FILIP1L: variants seen among roughly 807,000 people sequenced by gnomAD.
FILIP1L encodes filamin A-interacting protein 1-like.
Under a neutral mutation model 96.6 loss-of-function variants are expected in FILIP1L, and 55 were observed. The observed-to-expected ratio is 0.57, with a 90% confidence interval of 0.46 to 0.71. The LOEUF (loss-of-function observed/expected upper bound fraction) is 0.71. Ranked by LOEUF, FILIP1L falls within the 30% of genes least tolerant of loss-of-function variation. FILIP1L has a pLI of 0.00. For missense variants in FILIP1L, 1,304 were observed against 1,321.2 expected (o/e 0.99, Z 0.20); for synonymous variants, 467 against 473.9 (o/e 0.99, Z 0.19).
chr3:99,946,993 G>T (rs1310341176), intron 1 of FILIP1L, among the ~76,000 whole-genome samples: 1 of 151,902 alleles, frequency 6.6e-6, no homozygotes, highest in East Asian at 1.9e-4. Context: ...AAAAATTAGC[G>T]GGGCGTGGTG....
intron 4 of FILIP1L, among the ~76,000 whole-genome samples, chr3:99,914,339 T>C (rs1706885436): frequency 6.6e-6 from 1 of 152,168 alleles, no homozygotes; most frequent in African/African-American, 2.4e-5. Flanking sequence ...CTGAATTTGA[T>C]AGGGAAAAGG....
chr3:99,934,385 C>G (rs539104095), intron 1 of FILIP1L, among the ~76,000 whole-genome samples: 1 of 152,270 alleles, frequency 6.6e-6, no homozygotes, highest in South Asian at 2.1e-4. Context: ...ATATTTGGTT[C>G]TTTACTTCTT....
chr3:99,969,812 A>G (rs1243035994), intron 1 of FILIP1L, among the ~76,000 whole-genome samples: 6 of 152,218 alleles, frequency 3.9e-5, no homozygotes, highest in Non-Finnish European at 7.3e-5. Context: ...GCTTGTCTAG[A>G]TGGATACTGA....
chr3:100,050,618 A>G (rs1384703540), intron 1 of FILIP1L, among the ~76,000 whole-genome samples: 2 of 152,068 alleles, frequency 1.3e-5, no homozygotes, highest in Non-Finnish European at 2.9e-5. Flanking sequence ...TGCAACCTCC[A>G]TCTCCCAGGT....
chr3:100,022,450 T>C (rs1407643620), intron 1 of FILIP1L, among the ~76,000 whole-genome samples: 1 of 152,200 alleles, frequency 6.6e-6, no homozygotes, highest in Non-Finnish European at 1.5e-5. Context: ...AGGCCTGCAG[T>C]TCAACAATTG....
At chr3:100,100,969 A>G (rs1265965897) in intron 1 of FILIP1L, among the ~76,000 whole-genome samples, 1 of 152,118 alleles carries the variant, frequency 6.6e-6, no homozygotes, top group Admixed American at 6.6e-5. Flanking sequence ...GCCCAGGTAT[A>G]TGGAGAACAG....
At position 100,074,675 on chromosome 3, in the gene FILIP1L, A is replaced by ATTTT. The variant is rs555819875; in HGVS notation, c.-11+39374_-11+39377dup. 2.0e-4 allele frequency among the ~76,000 whole-genome samples: 7 copies of ATTTT among 34,782 alleles called. 1 individual carries two copies. The highest frequency in any genetic ancestry group is 5.9e-4 in the African/African-American group (5 of 8,444). The allele number at this position is 34,782 out of a possible 152,430, so 22.8% of individuals were successfully genotyped here. ...ATTTTCTATGCATGTGCAACATTTG[A>ATTTT]TTTTTTTTTTTTTTTTTTTTTTTTT... is the stretch of plus-strand genomic sequence containing the variant. On this transcript the variant is annotated intron_variant, in intron 1 of 5. Transcript: ENST00000477258.
At chr3:99,889,210 C>T (rs1321421935) in intron 4 of FILIP1L, among the ~76,000 whole-genome samples, 1 of 152,094 alleles carries the variant, frequency 6.6e-6, no homozygotes, top group Non-Finnish European at 1.5e-5. Context: ...GTGCTGTACT[C>T]TCCCACTGTG....
intron 4 of FILIP1L, among the ~76,000 whole-genome samples, chr3:99,919,579 A>C (rs935597867): frequency 6.6e-6 from 1 of 151,798 alleles, no homozygotes; most frequent in African/African-American, 2.4e-5. Context: ...TATTTCAAGG[A>C]GGTTTCCAAA....
intron 1 of FILIP1L, among the ~76,000 whole-genome samples, chr3:99,950,981 T>A (rs1708159717): frequency 6.6e-6 from 1 of 152,216 alleles, no homozygotes; most frequent in Non-Finnish European, 1.5e-5. Context: ...TCAAAACTTG[T>A]TAAGAGGGAT....
intron 1 of FILIP1L, among the ~76,000 whole-genome samples, chr3:99,970,458 A>T (rs1444388002): frequency 6.6e-6 from 1 of 152,254 alleles, no homozygotes; most frequent in African/African-American, 2.4e-5. Flanking sequence ...TCATTCTCAC[A>T]TACTCTGTGC....
Position 99,904,050 on chromosome 3 carries a change from A to G in FILIP1L, c.605+20180T>C, listed in dbSNP as rs566444944. Among the ~76,000 whole-genome samples, 4 of 152,314 alleles carry G rather than the reference A, an allele frequency of 2.6e-5. No individual in the cohort carries two copies. The East Asian group carries it at 5.8e-4, about 22-fold the overall frequency. Reference sequence around the variant, plus strand: ...CTTGTTTTTCTAAGCAAACACTCCTATTTCAGAATCTGATTGGACCTTAAA... The same window carrying G: ...CTTGTTTTTCTAAGCAAACACTCCTGTTTCAGAATCTGATTGGACCTTAAA... On this transcript the variant is annotated intron_variant, in intron 4 of 5. Coordinates refer to ENST00000477258, the MANE Select transcript of FILIP1L (RefSeq NM_001387850.1).
chr3:99,944,413 C>A (rs1000129984), intron 1 of FILIP1L, among the ~76,000 whole-genome samples: 1 of 152,196 alleles, frequency 6.6e-6, no homozygotes, highest in African/African-American at 2.4e-5. Flanking sequence ...GATACTCACC[C>A]AGGCTGTCAC....
chr3:99,900,474 T>G (rs1459322994), intron 4 of FILIP1L, among the ~76,000 whole-genome samples: 2 of 152,156 alleles, frequency 1.3e-5, no homozygotes, highest in African/African-American at 4.8e-5. Context: ...TAACCAGATT[T>G]CAGATGAGAT....
intron 4 of FILIP1L, among the ~76,000 whole-genome samples, chr3:99,901,114 G>A (rs926124666): frequency 4.6e-5 from 7 of 152,184 alleles, no homozygotes; most frequent in African/African-American, 1.7e-4. Context: ...CTTTTAACTT[G>A]TTATTTAATA....
intron 1 of FILIP1L, among the ~76,000 whole-genome samples, chr3:100,026,225 C>A (rs2064918273): frequency 6.6e-6 from 1 of 151,972 alleles, no homozygotes; most frequent in Non-Finnish European, 1.5e-5. Context: ...AATACTTTGT[C>A]AAAAATGCCC....
intron 1 of FILIP1L, among the ~76,000 whole-genome samples, chr3:100,094,607 T>G (rs1459961422): frequency 1.3e-5 from 2 of 151,866 alleles, no homozygotes; most frequent in Admixed American, 6.6e-5. Context: ...GTGGTAGACT[T>G]GAGTTCAGAT....
chr3:99,931,450 T>C (rs902000681), intron 1 of FILIP1L, among the ~76,000 whole-genome samples: 28 of 152,236 alleles, frequency 1.8e-4, no homozygotes, highest in African/African-American at 5.8e-4. Flanking sequence ...TACTTTATAG[T>C]ATTTCCTTTA....
intron 4 of FILIP1L, among the ~76,000 whole-genome samples, chr3:99,868,419 G>GC (rs1301877140): frequency 1.3e-5 from 2 of 152,172 alleles, no homozygotes; most frequent in Admixed American, 1.3e-4. Context: ...GCCTGAGACA[G>GC]CCCCCTATAT....
Sources: gnomAD v4.1 joint callset for allele counts (sites outside exome capture counted in the v4.1 genomes callset) on GRCh38, gnomAD v4.1.1 for gene constraint, MANE v1.5 for transcripts, NCBI Gene and HGNC (gene_info 2026-07-23, HGNC 2026-07-21) for gene names.